ASTN2: variants seen among roughly 807,000 people sequenced by gnomAD.
ASTN2 encodes astrotactin 2.
ASTN2 carries 54 observed loss-of-function variants against 139.8 expected under a neutral mutation model. The ratio of observed to expected loss-of-function variants is 0.39; its 90% CI spans 0.31 to 0.48. The LOEUF (loss-of-function observed/expected upper bound fraction) is 0.48, where lower values mean the gene tolerates loss of function less well. Among genes scored for constraint, ASTN2 ranks in the 20% least tolerant of loss-of-function variants. The probability of loss-of-function intolerance (pLI) is 0.95; values close to 1 mark genes in which losing one functional copy is unlikely to be tolerated. For synonymous variants in ASTN2, 756 were observed against 719.5 expected, an observed-to-expected ratio of 1.05 and a Z score of -0.81; for missense variants, 1,565 against 1,725.1, an observed-to-expected ratio of 0.91 and a Z score of 1.64.
At chr9:116,470,962 T>C (rs1032931159) in intron 20 of ASTN2, among the ~76,000 whole-genome samples, 3 of 152,206 alleles carry the variant, frequency 2.0e-5, no homozygotes. Flanking sequence ...CGATGTATTG[T>C]TCAAAAATTA....
intron 5 of ASTN2, among the ~76,000 whole-genome samples, chr9:117,060,834 G>A (rs919949246): frequency 3.3e-5 from 5 of 151,790 alleles, no homozygotes; most frequent in Non-Finnish European, 7.4e-5. Flanking sequence ...GGTGGAGCTT[G>A]CAGTGAGCCA....
intron 3 of ASTN2, among the ~76,000 whole-genome samples, chr9:117,194,999 C>A (rs1396210906): frequency 6.6e-6 from 1 of 152,126 alleles, no homozygotes; most frequent in African/African-American, 2.4e-5. Context: ...TTCCTCTATC[C>A]ACTGACCCAG....
At chr9:116,837,034 T>G (rs900265367) in intron 11 of ASTN2, among the ~76,000 whole-genome samples, 1 of 152,128 alleles carries the variant, frequency 6.6e-6, no homozygotes, top group Non-Finnish European at 1.5e-5. Flanking sequence ...TTATTCTAAG[T>G]GCAACTGGAA....
At chr9:116,674,131 A>G (rs1280738346) in intron 16 of ASTN2, among the ~76,000 whole-genome samples, 1 of 152,224 alleles carries the variant, frequency 6.6e-6, no homozygotes, top group Non-Finnish European at 1.5e-5. Context: ...TTTAGGAGTC[A>G]TGCAGCTGGA....
chr9:116,574,599 T>C (rs1853649153), intron 19 of ASTN2, among the ~76,000 whole-genome samples: 1 of 152,198 alleles, frequency 6.6e-6, no homozygotes, highest in Non-Finnish European at 1.5e-5. Context: ...ATTTAGTCTG[T>C]TGGGAAGGCA....
At chr9:116,970,955 A>C (rs910656159) in intron 10 of ASTN2, among the ~76,000 whole-genome samples, 1 of 152,186 alleles carries the variant, frequency 6.6e-6, no homozygotes, top group Non-Finnish European at 1.5e-5. Flanking sequence ...AGTATGCAGT[A>C]ATAAGTGTTG....
chr9:117,407,609 A>G (rs1831033096), intron 1 of ASTN2, among the ~76,000 whole-genome samples: 1 of 152,250 alleles, frequency 6.6e-6, no homozygotes, highest in South Asian at 2.1e-4. Context: ...TCAGTTTTGA[A>G]TCTTGCATTG....
intron 16 of ASTN2, among the ~76,000 whole-genome samples, chr9:116,683,659 A>T (rs986057918): frequency 6.6e-6 from 1 of 152,242 alleles, no homozygotes; most frequent in Non-Finnish European, 1.5e-5. Context: ...TCAAGATAGC[A>T]TATTTCTTTA....
chr9:116,993,580 C>T (rs941132944), intron 7 of ASTN2, among the ~76,000 whole-genome samples: 2 of 149,222 alleles, frequency 1.3e-5, no homozygotes, highest in African/African-American at 4.9e-5. Context: ...ACTATAGATA[C>T]TATATATAGG....
intron 3 of ASTN2, among the ~76,000 whole-genome samples, chr9:117,159,814 T>C (rs557693429): frequency 1.3e-5 from 2 of 152,228 alleles, no homozygotes; most frequent in Admixed American, 1.3e-4. Flanking sequence ...TAGCTAGTTA[T>C]GGCAATTAGC....
At chr9:117,384,230 C>T (rs1186611510) in intron 1 of ASTN2, among the ~76,000 whole-genome samples, 1 of 152,164 alleles carries the variant, frequency 6.6e-6, no homozygotes, top group African/African-American at 2.4e-5. Flanking sequence ...GATGGATGTA[C>T]ACTCAGGTTT....
At chr9:117,047,477 G>T (rs979719778) in intron 5 of ASTN2, among the ~76,000 whole-genome samples, 6 of 151,914 alleles carry the variant, frequency 3.9e-5, no homozygotes, top group African/African-American at 1.5e-4. Context: ...CTATAGATTT[G>T]TCCTTAATAA....
At chr9:117,371,375 T>A (rs1829986395) in intron 1 of ASTN2, among the ~76,000 whole-genome samples, 1 of 152,142 alleles carries the variant, frequency 6.6e-6, no homozygotes. Flanking sequence ...CTGCCTTGCC[T>A]CCCTAATCCA....
At chr9:116,718,728 C>G (rs1378761691) in intron 16 of ASTN2, among the ~76,000 whole-genome samples, 1 of 151,716 alleles carries the variant, frequency 6.6e-6, no homozygotes, top group Admixed American at 6.6e-5. Flanking sequence ...CTCTGGACTC[C>G]AATGGAAACA....
intron 1 of ASTN2, among the ~76,000 whole-genome samples, chr9:117,315,638 C>G (rs1828120815): frequency 6.6e-6 from 1 of 152,170 alleles, no homozygotes; most frequent in African/African-American, 2.4e-5. Flanking sequence ...TTTCTTTCTT[C>G]AAAATGTTGT....
intron 13 of ASTN2, among the ~76,000 whole-genome samples, chr9:116,773,100 T>G (rs1829997146): frequency 1.3e-5 from 2 of 151,594 alleles, no homozygotes; most frequent in African/African-American, 4.8e-5. Context: ...TTTTTTTTTT[T>G]GAATACCTGT....
At chr9:116,576,775 G>C (rs895976115) in intron 19 of ASTN2, among the ~76,000 whole-genome samples, 6 of 152,094 alleles carry the variant, frequency 3.9e-5, no homozygotes, top group African/African-American at 1.4e-4. Context: ...GTGTACAGAA[G>C]TGTTCTGGCT....
At chr9:117,059,145 T>A (rs1045627193) in intron 5 of ASTN2, among the ~76,000 whole-genome samples, 1 of 151,306 alleles carries the variant, frequency 6.6e-6, no homozygotes, top group Admixed American at 6.6e-5. Context: ...ATGGAGAGAG[T>A]CATCAAATGC....
At position 117,414,486 on chromosome 9, in the gene ASTN2, C is replaced by T. The variant is rs201424404; in HGVS notation, c.442+11G>A. The T allele has an allele frequency of 1.9e-6, 3 of 1,608,058 alleles. No homozygotes were observed. The highest frequency in any genetic ancestry group is 3.3e-5 in the Admixed American group (2 of 59,856). On this transcript the variant is annotated intron_variant, in intron 1 of 22. Transcript: ENST00000313400. This position sits in a 1 kb window ranked among gnomAD's most constrained non-coding sequence, Gnocchi z 4.2. ...CCTTGGGATCTAGCGCGTGCCGGCG[C>T]CCAGCCTTACCCAGGGTGAAGAAGG...
Sources: gnomAD v4.1 joint callset for allele counts (sites outside exome capture counted in the v4.1 genomes callset) on GRCh38, gnomAD v4.1.1 for gene constraint, Gnocchi (gnomAD v3.1) non-coding constraint, MANE v1.5 for transcripts, NCBI Gene and HGNC (gene_info 2026-07-23, HGNC 2026-07-21) for gene names.